Variants in SRGAP1 observed in about 807,000 individuals in gnomAD.
SRGAP1 encodes the protein SLIT-ROBO Rho GTPase activating protein 1, also known as SLIT-ROBO Rho GTPase-activating protein 1.
SRGAP1 carries 43 observed loss-of-function variants against 121.9 expected under a neutral mutation model. The observed-to-expected ratio is 0.35, with a 90% CI of 0.28 to 0.46. The LOEUF (loss-of-function observed/expected upper bound fraction) is 0.46, where lower values mean the gene tolerates loss of function less well. Among genes scored for constraint, SRGAP1 ranks in the 20% least tolerant of loss-of-function variants. SRGAP1 has a pLI of 1.00. For synonymous variants in SRGAP1, 447 were observed against 485.4 expected, an observed-to-expected ratio of 0.92 and a Z score of 1.04; for missense variants, 1,102 against 1,350.9, an observed-to-expected ratio of 0.82 and a Z score of 2.89.
intron 6 of SRGAP1, among the ~76,000 whole-genome samples, chr12:64,047,914 CATA>C (rs1313700980): frequency 6.6e-6 from 1 of 152,066 alleles, no homozygotes; most frequent in Non-Finnish European, 1.5e-5. Context: ...GCATACAATG[CATA>C]ATAATCACAT....
At chr12:64,141,155 G>A (rs951801117) in intron 21 of SRGAP1, among the ~76,000 whole-genome samples, 2 of 147,678 alleles carry the variant, frequency 1.4e-5, no homozygotes, top group African/African-American at 5.2e-5. Context: ...ATAGCATCGG[G>A]AGATATACCT....
chr12:64,063,809 TCTTAA>T (rs930680770), intron 7 of SRGAP1, among the ~76,000 whole-genome samples: 8 of 152,222 alleles, frequency 5.3e-5, no homozygotes, highest in South Asian at 2.1e-4. Flanking sequence ...AAAAACTCAG[TCTTAA>T]CTTATTATGG....
chr12:64,004,269 A>G (rs2034006921), intron 3 of SRGAP1, among the ~76,000 whole-genome samples: 1 of 152,232 alleles, frequency 6.6e-6, no homozygotes, highest in South Asian at 2.1e-4. Context: ...GTCCCATGAA[A>G]AAGGAATTTA....
At chr12:63,966,573 C>G (rs2032796406) in intron 1 of SRGAP1, among the ~76,000 whole-genome samples, 1 of 152,088 alleles carries the variant, frequency 6.6e-6, no homozygotes, top group Non-Finnish European at 1.5e-5. Flanking sequence ...TAAACTACCA[C>G]CCCATATTCT....
At position 64,111,830 on chromosome 12, in the gene SRGAP1, T is replaced by G; in HGVS notation, c.1988T>G (p.Leu663Trp). Residue 663 changes from leucine (L) to tryptophan (W), a missense_variant, in exon 17 of 22, where the codon TTG (leucine) becomes TGG (tryptophan). Around this residue, in one of 3 missense-constraint regions of SRGAP1, gnomAD observed 747 missense variants for 929.4 expected, o/e 0.80. Transcript: ENST00000355086. ...CTGGCCATTTGCTTTGGCCCAACAT[T>G]GATGCCTGTCCCAGAAATACAGGAT... ...YNLAICFGPTLMPVPEIQDQV... is the reference protein window; with the variant it reads ...YNLAICFGPTWMPVPEIQDQV... 1 of 1,614,104 alleles carries G rather than the reference T, an allele frequency of 6.2e-7. No individual in the cohort carries two copies. The highest frequency in any genetic ancestry group is 8.5e-7 in the Non-Finnish European group (1 of 1,179,994).
Position 64,091,385 on chromosome 12 carries a change from G to C in SRGAP1, c.1539+7G>C. On this transcript the variant is annotated splice_region_variant and intron_variant, in intron 12 of 21. Transcript: ENST00000355086. The stretch of plus-strand genomic sequence containing the variant: ...TTTGGAAACATTCGTCAAGGTACTG[G>C]CACCAGCCATCTGGGTGGCTGATCT... 1.3e-6 allele frequency: 2 copies of C among 1,593,904 alleles called. No individual in the cohort carries two copies. Among genetic ancestry groups the C allele is most frequent in the Non-Finnish European group, 1.7e-6 (2 of 1,166,424 alleles).
intron 1 of SRGAP1, among the ~76,000 whole-genome samples, chr12:63,957,777 T>C (rs1251633001): frequency 6.6e-6 from 1 of 152,202 alleles, no homozygotes; most frequent in Non-Finnish European, 1.5e-5. Context: ...AATGTGTTCC[T>C]TTTTTCTCTC....
intron 8 of SRGAP1, among the ~76,000 whole-genome samples, chr12:64,076,854 G>A (rs1057007156): frequency 7.2e-5 from 11 of 152,196 alleles, no homozygotes; most frequent in Admixed American, 5.9e-4. Context: ...ATATTGGCCA[G>A]GCTGGTCTCG....
intron 8 of SRGAP1, among the ~76,000 whole-genome samples, chr12:64,072,585 A>G (rs1475268647): frequency 6.6e-6 from 1 of 152,140 alleles, no homozygotes; most frequent in Non-Finnish European, 1.5e-5. Context: ...ATGAAGAGAC[A>G]TAGGGAGAAG....
rs1194581751 is a variant in SRGAP1, at chr12:64,127,714, T to C, written c.2530T>C (p.Tyr844His). The change falls in exon 20 of 22, where the codon TAT (tyrosine) becomes CAT (histidine). Residue 844 changes from tyrosine to histidine, a missense_variant. Tyr to His is a moderately conservative substitution (Grantham distance 83, BLOSUM62 2). Transcript: ENST00000355086. ...CCCGACAGACCGTCATCCTGACGGC[T>C]ATTTAGCCAGGTAAGTAGAGCCTGG... Reference protein sequence around the residue: ...NSPTDRHPDGYLARQRKRGEP... With the variant: ...NSPTDRHPDGHLARQRKRGEP... The C allele has an allele frequency of 1.2e-6, 2 of 1,613,940 alleles. No homozygotes were observed. Among genetic ancestry groups the C allele is most frequent in the Non-Finnish European group, 1.7e-6 (2 of 1,179,996 alleles).
At position 64,142,309 on chromosome 12, in the gene SRGAP1, G is replaced by A. The variant is rs530181228; in HGVS notation, c.2895G>A (p.Thr965=). 3.1e-5 allele frequency: 50 copies of A among 1,613,212 alleles called. No individual in the cohort carries two copies. Among genetic ancestry groups the A allele is most frequent in the Admixed American group, 6.7e-5 (4 of 59,966 alleles). The change falls in exon 22 of 22, where the codon ACG becomes ACA. Residue 965 remains threonine (T), a synonymous_variant. Coordinates refer to ENST00000355086, the MANE Select transcript of SRGAP1 (RefSeq NM_020762.4). ...TTCTTCAATAGGATATTGAAGAAACGATGAACACAGCTTTGAATGAACTCC... is the reference window on the plus strand; with the variant it reads ...TTCTTCAATAGGATATTGAAGAAACAATGAACACAGCTTTGAATGAACTCC... ...PETIAQDIEE[T]MNTALNELRE...
chr12:64,124,532 T>C (rs963179423), intron 18 of SRGAP1, among the ~76,000 whole-genome samples: 1 of 152,242 alleles, frequency 6.6e-6, no homozygotes, highest in African/African-American at 2.4e-5. Context: ...CTTTTTGTCC[T>C]GTTTATTATT....
chr12:63,986,388 A>G (rs1268722826), intron 2 of SRGAP1, among the ~76,000 whole-genome samples: 1 of 152,088 alleles, frequency 6.6e-6, no homozygotes, highest in Non-Finnish European at 1.5e-5. Context: ...TTTAAAAAGC[A>G]GTTGTAATTA....
At chr12:64,068,454 C>A (rs1027883403) in intron 8 of SRGAP1, among the ~76,000 whole-genome samples, 16 of 151,556 alleles carry the variant, frequency 1.1e-4, no homozygotes. Context: ...CCCACCTCAG[C>A]CCCCTGAGTA....
intron 21 of SRGAP1, 101 bp from the exon 22 acceptor site, chr12:64,142,194 C>T (rs748097657): frequency 3.6e-5 from 45 of 1,239,498 alleles, no homozygotes; most frequent in Non-Finnish European, 4.8e-5. Context: ...GATATCCATA[C>T]TCTGCTGGGC....
intron 15 of SRGAP1, among the ~76,000 whole-genome samples, chr12:64,104,151 T>C (rs2036302004): frequency 6.6e-6 from 1 of 152,208 alleles, no homozygotes; most frequent in African/African-American, 2.4e-5. Flanking sequence ...GTGATGACCA[T>C]TTGAACTTTT....
chr12:64,111,780 T>C lies in SRGAP1; in HGVS notation c.1938T>C (p.Asp646=). The C allele has an allele frequency of 6.2e-7, 1 of 1,610,898 alleles. No individual in the cohort carries two copies. Among genetic ancestry groups the C allele is most frequent in the African/African-American group, 1.3e-5 (1 of 74,980 alleles). Residue 646 remains aspartate (D), a synonymous_variant, in exon 17 of 22, where the codon GAT becomes GAC. Transcript: ENST00000355086. The stretch of plus-strand genomic sequence containing the variant: ...TTTGTAGTCTATCACAGTACAGCGA[T>C]GAGAATATGATGGACCCTTATAACC... The part of the protein sequence containing the change: ...AFLNHLSQYS[D]ENMMDPYNLA...
intron 1 of SRGAP1, among the ~76,000 whole-genome samples, chr12:63,870,783 C>T (rs889751892): frequency 1.8e-4 from 28 of 152,146 alleles, no homozygotes; most frequent in Non-Finnish European, 3.8e-4. Context: ...TCAAGAAATC[C>T]GCCTGCCTCA....
chr12:63,924,367 A>G (rs750734509), intron 1 of SRGAP1, among the ~76,000 whole-genome samples: 6 of 152,150 alleles, frequency 3.9e-5, no homozygotes, highest in Non-Finnish European at 7.3e-5. Context: ...CCAACCTAAT[A>G]GTGCTCCATT....
Sources: allele counts gnomAD v4.1 joint callset (sites outside exome capture counted in the v4.1 genomes callset), GRCh38; gene constraint gnomAD v4.1.1; regional missense constraint gnomAD v4.1.1; transcripts MANE v1.5; gene names NCBI Gene and HGNC (gene_info 2026-07-23, HGNC 2026-07-21).